Variants in GALNT16 observed in about 807,000 individuals in gnomAD.
GALNT16 encodes UDP-GalNAc:polypeptide N-acetylgalactosaminyltransferase-like protein 1.
In GALNT16, 40 loss-of-function variants were observed where a neutral mutation model predicts 76.1. That is an observed-to-expected ratio of 0.53 (90% CI 0.41 to 0.68). The LOEUF (loss-of-function observed/expected upper bound fraction) is 0.68. GALNT16 is among the 30% of genes least tolerant of loss of function. The probability of loss-of-function intolerance (pLI) is 0.00; values close to 1 mark genes in which losing one functional copy is unlikely to be tolerated. For missense variants in GALNT16, 621 were observed against 731.9 expected (o/e 0.85, Z 1.75); for synonymous variants, 276 against 285.2 (o/e 0.97, Z 0.32).
Position 69,260,415 on chromosome 14 carries a change from G to C in GALNT16, c.125G>C (p.Arg42Thr). The stretch of plus-strand genomic sequence containing the variant: ...TCCTCCGGCGGCCGGGGCGCGCAGA[G>C]GGCAGGCAGGAGGTCGGAGCAGCTC... Reference protein sequence around the residue: ...AASSGGRGAQRAGRRSEQLRE... With the variant: ...AASSGGRGAQTAGRRSEQLRE... Residue 42 changes from arginine (R) to threonine (T), a missense_variant, in exon 1 of 15, where the codon AGG becomes ACG. By Grantham distance (71) the Arg-to-Thr change is moderately conservative. Coordinates refer to ENST00000448469, the MANE Select transcript of GALNT16 (RefSeq NM_001168368.2). 1 of 1,598,960 alleles carries C rather than the reference G, an allele frequency of 6.3e-7. No individual in the cohort carries two copies. Among genetic ancestry groups the C allele is most frequent in the Non-Finnish European group, 8.5e-7 (1 of 1,172,314 alleles).
At chr14:69,328,698 C>G (rs1345289515) in intron 6 of GALNT16, 127 bp downstream of exon 6, 1 of 867,006 alleles carries the variant, frequency 1.2e-6, no homozygotes, top group East Asian at 2.6e-5. Flanking sequence ...AGTCTACTTC[C>G]CCCTGAGTGA....
intron 1 of GALNT16, among the ~76,000 whole-genome samples, chr14:69,269,570 G>A (rs1314364349): frequency 2.0e-5 from 3 of 147,180 alleles, no homozygotes; most frequent in Admixed American, 6.8e-5. Flanking sequence ...TGTGTATATA[G>A]TGTGTGTGTG....
At chr14:69,376,526 C>G in the GALNT16 span, among the ~76,000 whole-genome samples, 1 of 152,128 alleles carries the variant, frequency 6.6e-6, no homozygotes, top group Non-Finnish European at 1.5e-5. Context: ...CCATCAGTAT[C>G]CTGTTTAGTA....
intron 5 of GALNT16, 49 bp downstream of exon 5, chr14:69,326,076 C>G: frequency 7.4e-7 from 1 of 1,354,700 alleles, no homozygotes; most frequent in Non-Finnish European, 1.1e-6. Context: ...TTGGTGTCAT[C>G]CTGTGCACTT....
chr14:69,364,168 A>G, the GALNT16 span, among the ~76,000 whole-genome samples: 1 of 152,178 alleles, frequency 6.6e-6, no homozygotes, highest in South Asian at 2.1e-4. This position sits in a 1 kb window ranked among gnomAD's most constrained non-coding sequence, Gnocchi z 4.2. Flanking sequence ...CAATAAAACT[A>G]CTGTTCTCCA....
intron 1 of GALNT16, among the ~76,000 whole-genome samples, chr14:69,305,898 C>T (rs1227662315): frequency 6.6e-6 from 1 of 152,076 alleles, no homozygotes; most frequent in Non-Finnish European, 1.5e-5. Context: ...TTGCAATTTC[C>T]AGTCTTATAT....
intron 1 of GALNT16, among the ~76,000 whole-genome samples, chr14:69,292,254 G>A (rs896506962): frequency 1.3e-5 from 2 of 152,364 alleles, no homozygotes; most frequent in African/African-American, 2.4e-5. Flanking sequence ...TGGCAGAGCC[G>A]GGACTCCCAT....
At chr14:69,273,022 G>A (rs116549728) in intron 1 of GALNT16, among the ~76,000 whole-genome samples, 2,201 of 152,286 alleles carry the variant, frequency 0.014, 63 homozygotes, top group African/African-American at 0.05. Flanking sequence ...ATCTGGCTAC[G>A]CATCCTAGTT....
chr14:69,316,074 T>G (rs1437610822), intron 1 of GALNT16, among the ~76,000 whole-genome samples: 1 of 152,220 alleles, frequency 6.6e-6, no homozygotes. Context: ...GAGATTGGCC[T>G]AGCCAGGGTC....
chr14:69,370,749 C>A, the GALNT16 span, among the ~76,000 whole-genome samples: 1 of 152,158 alleles, frequency 6.6e-6, no homozygotes, highest in Non-Finnish European at 1.5e-5. Flanking sequence ...AAAATAACCA[C>A]AATGGCATTA....
chr14:69,304,989 TG>T (rs2044911034), intron 1 of GALNT16, among the ~76,000 whole-genome samples: 1 of 151,512 alleles, frequency 6.6e-6, no homozygotes, highest in Non-Finnish European at 1.5e-5. Flanking sequence ...ATACCCAGAG[TG>T]GGCTTGCTGG....
At chr14:69,269,858 G>A (rs2044386186) in intron 1 of GALNT16, among the ~76,000 whole-genome samples, 1 of 151,874 alleles carries the variant, frequency 6.6e-6, no homozygotes, top group Non-Finnish European at 1.5e-5. Context: ...AGTGTGTGAT[G>A]TGAGGCTGGT....
intron 4 of GALNT16, 109 bp from the exon 5 acceptor site, chr14:69,325,853 T>C (rs757118780): frequency 2.4e-6 from 2 of 838,550 alleles, no homozygotes; most frequent in African/African-American, 1.7e-5. Flanking sequence ...CCAATCCCCA[T>C]CCCCAACCCT....
At position 69,333,501 on chromosome 14, in the gene GALNT16, C is replaced by T. The variant is rs1594858608; in HGVS notation, c.868C>T (p.Pro290Ser). ...CTTCCCTCTCCTTGCTCCCAGGACG[C>T]CTGTCATAGCTGGAGGAATCTTCGT... ...RTDPTRPIRT[P>S]VIAGGIFVID... is the part of the protein sequence containing the mutation. Residue 290 changes from proline to serine, a missense_variant, in exon 9 of 15, where the codon CCT becomes TCT. Pro to Ser is a moderately conservative substitution (Grantham distance 74). Coordinates refer to ENST00000448469, the MANE Select transcript of GALNT16 (RefSeq NM_001168368.2). This position sits in a 1 kb window ranked among gnomAD's most constrained non-coding sequence, Gnocchi z 4.2. 1.2e-6 allele frequency: 2 copies of T among 1,603,680 alleles called. No individual in the cohort carries two copies. Among genetic ancestry groups the T allele is most frequent in the South Asian group, 2.2e-5 (2 of 90,792 alleles).
the GALNT16 span, among the ~76,000 whole-genome samples, chr14:69,383,842 A>G: frequency 6.6e-6 from 1 of 152,162 alleles, no homozygotes; most frequent in African/African-American, 2.4e-5. Context: ...TATGGTTTCT[A>G]GTTTACATTT....
rs1241118684 is a variant in GALNT16, at chr14:69,352,195, T to C, written c.*27T>C. 6.4e-7 allele frequency: 1 copy of C among 1,573,136 alleles called. No individual in the cohort carries two copies. The highest frequency in any genetic ancestry group is 8.6e-7 in the Non-Finnish European group (1 of 1,157,364). On this transcript the variant is annotated 3_prime_UTR_variant, in exon 15 of 15. Coordinates refer to ENST00000448469, the MANE Select transcript of GALNT16 (RefSeq NM_001168368.2). ...GGTAGCCCTGGGGCCTCCTGTACCT[T>C]TTGCATGAGACTTCGGGACCGGAAG...
intron 1 of GALNT16, among the ~76,000 whole-genome samples, chr14:69,263,825 G>A (rs1274114264): frequency 2.6e-5 from 4 of 152,246 alleles, no homozygotes; most frequent in African/African-American, 9.6e-5. Context: ...GCTAAAGGGA[G>A]ATACTGATTC....
At chr14:69,274,131 G>A (rs141996911) in intron 1 of GALNT16, among the ~76,000 whole-genome samples, 280 of 152,276 alleles carry the variant, frequency 1.8e-3, no homozygotes, top group African/African-American at 5.7e-3. Flanking sequence ...CTAGTAATCC[G>A]CGTTTTAGAG....
chr14:69,371,477 C>T, the GALNT16 span, among the ~76,000 whole-genome samples: 7 of 151,462 alleles, frequency 4.6e-5, no homozygotes, highest in African/African-American at 1.7e-4. Context: ...AGGATGGTCT[C>T]GGTCTCCTGA....
Sources: gnomAD v4.1 joint callset for allele counts (sites outside exome capture counted in the v4.1 genomes callset) on GRCh38, gnomAD v4.1.1 for gene constraint, Gnocchi (gnomAD v3.1) non-coding constraint, MANE v1.5 for transcripts, NCBI Gene and HGNC (gene_info 2026-07-23, HGNC 2026-07-21) for gene names.